The following NEBL variants were observed in gnomAD, a reference collection of about 807,000 sequenced individuals.
The protein encoded by NEBL is LIM and SH3 protein 2.
A neutral mutation model predicts 140.2 loss-of-function variants in NEBL; 122 were observed. The observed-to-expected ratio is 0.87, with a 90% CI of 0.75 to 1.01. NEBL has a LOEUF of 1.01. Ranked by LOEUF, NEBL falls within the 50% of genes least tolerant of loss-of-function variation. The pLI is 0.00. For synonymous variants in NEBL, 436 were observed against 398.9 expected (o/e 1.09, Z -1.11); for missense variants, 1,365 against 1,231.3 (o/e 1.11, Z -1.62).
chr10:21,031,543 G>A (rs1230887586), intron 2 of NEBL, among the ~76,000 whole-genome samples: 5 of 152,146 alleles, frequency 3.3e-5, no homozygotes, highest in East Asian at 1.9e-4. Flanking sequence ...TCTAAGCGGC[G>A]CTGTGTTCTC....
At chr10:20,992,946 T>C (rs563786569) in intron 3 of NEBL, among the ~76,000 whole-genome samples, 1 of 151,004 alleles carries the variant, frequency 6.6e-6, no homozygotes, top group South Asian at 2.1e-4. Context: ...CCCGGCTAAT[T>C]TTGTTTTTGT....
intron 3 of NEBL, among the ~76,000 whole-genome samples, chr10:21,214,530 CACACAT>C (rs1841962304): frequency 6.6e-6 from 1 of 151,326 alleles, no homozygotes; most frequent in African/African-American, 2.4e-5. Context: ...GCACATTACA[CACACAT>C]ACACACATGC....
At chr10:21,172,134 C>T in intron 2 of NEBL, 1 of 523,446 alleles carries the variant, frequency 1.9e-6, no homozygotes, top group South Asian at 2.0e-5. Flanking sequence ...GTCCCTAAGG[C>T]TGTAACACTG....
intron 2 of NEBL, among the ~76,000 whole-genome samples, chr10:21,079,620 G>A (rs1836277151): frequency 6.6e-6 from 1 of 152,148 alleles, no homozygotes; most frequent in Non-Finnish European, 1.5e-5. Context: ...CCAAATAGAA[G>A]GACAAAAGTG....
chr10:20,869,967 G>T, intron 5 of NEBL, 126 bp from the exon 6 acceptor site: 1 of 709,032 alleles, frequency 1.4e-6, no homozygotes, highest in Admixed American at 2.1e-5. Flanking sequence ...ACCTTAAGTT[G>T]GCTTTTTGTG....
chr10:21,227,293 G>A (rs1842164976), intron 3 of NEBL, among the ~76,000 whole-genome samples: 1 of 152,030 alleles, frequency 6.6e-6, no homozygotes, highest in Non-Finnish European at 1.5e-5. Context: ...GCTCTTGTTT[G>A]TCTACTGCAA....
At chr10:21,290,705 C>G (rs1353055522) in intron 1 of NEBL, among the ~76,000 whole-genome samples, 1 of 152,170 alleles carries the variant, frequency 6.6e-6, no homozygotes, top group Non-Finnish European at 1.5e-5. Flanking sequence ...ACCACCACCT[C>G]CCCCAGAGCT....
intron 13 of NEBL, 47 bp from the exon 14 acceptor site, chr10:20,835,670 C>T: frequency 8.0e-7 from 1 of 1,253,374 alleles, no homozygotes; most frequent in Non-Finnish European, 1.2e-6. Flanking sequence ...AGTGGGCAAA[C>T]ATGCATCTGC....
At chr10:21,085,393 G>A (rs186122286) in intron 2 of NEBL, among the ~76,000 whole-genome samples, 19 of 152,230 alleles carry the variant, frequency 1.2e-4, no homozygotes, top group East Asian at 3.9e-4. Flanking sequence ...AAGCCGAGGC[G>A]GAAGGACTGC....
At position 21,099,916 on chromosome 10, in the gene NEBL, A is replaced by G. The variant is rs146698857; in HGVS notation, c.164+72467T>C. The stretch of plus-strand genomic sequence containing the variant: ...CATCTTTGTAAACACTTATAACTCA[A>G]TAAGAAACTGTTGAACCCCTATTTA... On this transcript the variant is annotated intron_variant, in intron 2 of 6. Transcript: ENST00000417816. 5.8e-3 allele frequency among the ~76,000 whole-genome samples: 887 copies of G among 152,334 alleles called. 10 individuals carry two copies. The highest frequency in any genetic ancestry group is 0.015 in the African/African-American group (634 of 41,576).
rs1275835519 is a variant in NEBL, at chr10:20,809,859, T to A, written c.2558A>T (p.Asp853Val). Residue 853 changes from aspartate (D) to valine (V), a missense_variant, in exon 25 of 28, where the codon GAC (aspartate) becomes GTC (valine). By Grantham distance (152) the Asp-to-Val change is radical (BLOSUM62 -3). Coordinates refer to ENST00000377122, the MANE Select transcript of NEBL (RefSeq NM_006393.3). The part of the protein sequence containing the change: ...VWRTDPGSIF[D>V]LDPLEDNIQS... The stretch of plus-strand genomic sequence containing the variant: ...AATATTGTCTTCCAGGGGATCAAGG[T>A]CGAAGATGGAGCCAGGATCTGTGCG... 6.2e-7 allele frequency: 1 copy of A among 1,611,656 alleles called. No homozygotes were observed. The highest frequency in any genetic ancestry group is 1.7e-5 in the Admixed American group (1 of 59,550).
intron 3 of NEBL, among the ~76,000 whole-genome samples, chr10:21,008,405 TG>T (rs1296756250): frequency 6.6e-6 from 1 of 152,186 alleles, no homozygotes; most frequent in African/African-American, 2.4e-5. Context: ...TATTAGTTAT[TG>T]TTGTGGTTTT....
In NEBL at chr10:21,024,362, G is replaced by A. The variant is rs117692689; in HGVS notation, c.165-4161C>T. ...AGAGAAAAAGTTCAATTTAGTATTAGTAACGAAAATAATAAATGCTGAGGG... is the reference window on the plus strand; with the variant it reads ...AGAGAAAAAGTTCAATTTAGTATTAATAACGAAAATAATAAATGCTGAGGG... On this transcript the variant is annotated intron_variant, in intron 2 of 6. Coordinates refer to the NEBL transcript ENST00000417816. 6.8e-3 allele frequency among the ~76,000 whole-genome samples: 1,040 copies of A among 152,176 alleles called. 8 individuals carry two copies. The highest frequency in any genetic ancestry group is 0.014 in the Middle Eastern group (4 of 294).
chr10:20,859,885 T>A, intron 7 of NEBL, 59 bp from the exon 8 acceptor site: 1 of 797,838 alleles, frequency 1.3e-6, no homozygotes, highest in Non-Finnish European at 2.1e-6. Context: ...ACATATGATT[T>A]TCACGTAGAT....
Position 21,268,681 on chromosome 10 carries a change from G to A in NEBL, n.183-16853C>T, listed in dbSNP as rs117857452. 5.6e-3 allele frequency among the ~76,000 whole-genome samples: 847 copies of A among 151,914 alleles called. 2 individuals carry two copies. Among genetic ancestry groups the A allele is most frequent in the Middle Eastern group, 0.02 (6 of 294 alleles). Reference sequence around the variant, plus strand: ...TGAGATTACAGACACGTGCCACCATGTCTGGTTAAATTCTGTATTTTTCAA... The same window carrying A: ...TGAGATTACAGACACGTGCCACCATATCTGGTTAAATTCTGTATTTTTCAA... On this transcript the variant is annotated intron_variant and non_coding_transcript_variant, in intron 1 of 8. Transcript: ENST00000675702.
At chr10:20,990,030 A>T (rs961396707) in intron 3 of NEBL, among the ~76,000 whole-genome samples, 2 of 152,178 alleles carry the variant, frequency 1.3e-5, no homozygotes, top group Non-Finnish European at 2.9e-5. Context: ...ATCTTGAAGT[A>T]TTATTTATAC....
At chr10:20,808,801 T>C in intron 25 of NEBL, 142 bp from the exon 26 acceptor site, 1 of 856,272 alleles carries the variant, frequency 1.2e-6, no homozygotes, top group East Asian at 2.5e-5. Context: ...TAGGCACCTA[T>C]TCCCAAACTT....
Position 20,896,483 on chromosome 10 carries a change from C to CATATATATATATATATAT in NEBL, c.153+457_153+474dup, listed in dbSNP as rs57289458. Among the ~76,000 whole-genome samples the CATATATATATATATATAT allele has an allele frequency of 2.3e-3, 205 of 88,036 alleles. 9 individuals are homozygous for CATATATATATATATATAT. The highest frequency in any genetic ancestry group is 2.6e-3 in the Non-Finnish European group (115 of 44,390). 57.8% of individuals were successfully genotyped at this position (88,036 alleles called of 152,430 possible). On this transcript the variant is annotated intron_variant, in intron 2 of 27. Coordinates refer to ENST00000377122, the MANE Select transcript of NEBL (RefSeq NM_006393.3). ...CTGAATTGTAAATAAATATTATATGCATATATATATATATATATATATATA... is the reference window on the plus strand; with the variant it reads ...CTGAATTGTAAATAAATATTATATGCATATATATATATATATATATATATATATATATATATATATATA...
At chr10:20,986,837 A>G (rs183317775) in intron 3 of NEBL, among the ~76,000 whole-genome samples, 1 of 152,348 alleles carries the variant, frequency 6.6e-6, no homozygotes, top group East Asian at 1.9e-4. Context: ...TCCAAATAGC[A>G]TCAGAATAAT....
Sources: allele counts gnomAD v4.1 joint callset (sites outside exome capture counted in the v4.1 genomes callset), GRCh38; gene constraint gnomAD v4.1.1; transcripts MANE v1.5; gene names NCBI Gene and HGNC (gene_info 2026-07-23, HGNC 2026-07-21).